Variants in HLF observed in about 807,000 individuals in gnomAD.
HLF encodes HLF transcription factor, PAR bZIP family member.
In HLF, 3 loss-of-function variants were observed where a neutral mutation model predicts 22.6. That is an observed-to-expected ratio of 0.13 (90% CI 0.06 to 0.34). The LOEUF (loss-of-function observed/expected upper bound fraction) is 0.34. HLF is among the 10% of genes least tolerant of loss of function. The probability of loss-of-function intolerance (pLI) is 1.00; values close to 1 mark genes in which losing one functional copy is unlikely to be tolerated. For synonymous variants in HLF, 151 were observed against 151.8 expected (o/e 0.99, Z 0.04); for missense variants, 299 against 389.2 (o/e 0.77, Z 1.95).
intron 2 of HLF, among the ~76,000 whole-genome samples, chr17:55,268,877 A>G (rs2080823811): frequency 6.6e-6 from 1 of 152,158 alleles, no homozygotes; most frequent in Non-Finnish European, 1.5e-5. Flanking sequence ...TTCAAAACCC[A>G]CTGCTAATGC....
intron 1 of HLF, chr17:55,265,838 C>T: frequency 2.4e-6 from 3 of 1,272,098 alleles, no homozygotes; most frequent in Non-Finnish European, 3.0e-6. Context: ...GGCACCCGGC[C>T]TCCCTGGGTC....
At chr17:55,277,989 C>G (rs181556138) in intron 2 of HLF, among the ~76,000 whole-genome samples, 1 of 152,200 alleles carries the variant, frequency 6.6e-6, no homozygotes, top group African/African-American at 2.4e-5. Context: ...TAACTCACTA[C>G]CCATCCAATC....
intron 2 of HLF, among the ~76,000 whole-genome samples, chr17:55,289,817 T>A (rs1243281701): frequency 6.6e-6 from 1 of 152,290 alleles, no homozygotes; most frequent in Non-Finnish European, 1.5e-5. Context: ...TAAGGCCTGA[T>A]TGAGATAATT....
rs1477427197 is a variant in HLF at position 55,324,747 on chromosome 17, T to C, written c.*3868T>C. ...AGCAAAGCCTTATCCGAATCGGATA[T>C]AGCAACTAAAGTCAATACATTTTGC... On this transcript the variant is annotated 3_prime_UTR_variant, in exon 4 of 4. Transcript: ENST00000226067. 7 of 233,178 alleles carry C rather than the reference T, an allele frequency of 3.0e-5. No individual in the cohort carries two copies. The Admixed American group carries it at 3.9e-4, about 13-fold the overall frequency. 14.4% of individuals were successfully genotyped at this position (233,178 alleles called of 1,614,324 possible). A position where few individuals can be genotyped will look rare whatever the true frequency, so the allele number is the denominator to read the frequency against.
chr17:55,277,290 C>T (rs535448408), intron 2 of HLF, among the ~76,000 whole-genome samples: 13 of 83,312 alleles, frequency 1.6e-4, no homozygotes, highest in Non-Finnish European at 2.7e-4. Context: ...CGCATGTGTA[C>T]GTGGGCATGC....
intron 2 of HLF, among the ~76,000 whole-genome samples, chr17:55,296,297 T>A (rs1008097218): frequency 1.3e-5 from 2 of 152,184 alleles, no homozygotes; most frequent in South Asian, 2.1e-4. Flanking sequence ...TTAAAAGAAA[T>A]TTAAACATTT....
Position 55,324,945 on chromosome 17 carries a change from A to G in HLF, c.*4066A>G, listed in dbSNP as rs1905410963. On this transcript the variant is annotated 3_prime_UTR_variant, in exon 4 of 4. Transcript: ENST00000226067. ...AAGATCGCATCTGTTAAACAGGTAC[A>G]AGTTGACATGAGGTTAGTTTAATTG... The G allele has an allele frequency of 1.7e-5, 4 of 231,152 alleles. No homozygotes were observed. In the East Asian group the frequency reaches 1.8e-4, roughly 11 times the overall value. 14.3% of individuals were successfully genotyped at this position (231,152 alleles called of 1,614,324 possible). A position where few individuals can be genotyped will look rare whatever the true frequency, so the allele number is the denominator to read the frequency against.
chr17:55,265,457 TA>T lies in HLF; in HGVS notation c.-26del. Reference sequence around the variant, plus strand: ...GTTGTTTCTTTCTTATTTCTTTTTTTAAGGGGAAAAAATTTGAGTGCATCGC... The same window carrying T: ...GTTGTTTCTTTCTTATTTCTTTTTTTAGGGGAAAAAATTTGAGTGCATCGC... On this transcript the variant is annotated 5_prime_UTR_variant, in exon 1 of 4. Transcript: ENST00000226067. The T allele has an allele frequency of 7.3e-7, 1 of 1,372,572 alleles. No individual in the cohort carries two copies. The highest frequency in any genetic ancestry group is 1.0e-6 in the Non-Finnish European group (1 of 964,426). The allele number at this position is 1,372,572 out of a possible 1,614,324, so 85.0% of individuals were successfully genotyped here.
chr17:55,280,369 A>G (rs904663764), intron 2 of HLF, among the ~76,000 whole-genome samples: 1 of 152,182 alleles, frequency 6.6e-6, no homozygotes, highest in African/African-American at 2.4e-5. Flanking sequence ...TCACCCTAGC[A>G]TGTCACAGTG....
At position 55,321,327 on chromosome 17, in the gene HLF, A is replaced by G. The variant is rs1905255307; in HGVS notation, c.*448A>G. On this transcript the variant is annotated 3_prime_UTR_variant, in exon 4 of 4. Transcript: ENST00000226067. ...GTGGATCTCAGTTTTTAAGAGTACA[A>G]GCTCTTGTTTCTGTTTAGTCCGTAA... The G allele has an allele frequency of 4.1e-6, 1 of 246,330 alleles. No individual in the cohort carries two copies. Among genetic ancestry groups the G allele is most frequent in the Non-Finnish European group, 8.0e-6 (1 of 125,242 alleles). 15.3% of individuals were successfully genotyped at this position (246,330 alleles called of 1,614,324 possible).
chr17:55,302,921 G>T (rs965307590), intron 2 of HLF, among the ~76,000 whole-genome samples: 1 of 152,172 alleles, frequency 6.6e-6, no homozygotes, highest in Non-Finnish European at 1.5e-5. Context: ...TTGCTTAGTG[G>T]CTCAACATCT....
chr17:55,271,978 G>A (rs2080862981), intron 2 of HLF: 1 of 152,164 alleles, frequency 6.6e-6, no homozygotes, highest in Non-Finnish European at 1.5e-5. Flanking sequence ...AAACAATCCA[G>A]GGATTCATTA....
intron 1 of HLF, chr17:55,266,813 C>T (rs907763736): frequency 9.1e-6 from 9 of 984,856 alleles, no homozygotes; most frequent in African/African-American, 8.7e-5. Context: ...TGGCAAGATC[C>T]GGAATGCTTG....
intron 2 of HLF, among the ~76,000 whole-genome samples, chr17:55,304,746 A>G (rs1446684222): frequency 2.0e-5 from 3 of 151,792 alleles, no homozygotes; most frequent in African/African-American, 7.3e-5. Flanking sequence ...GGAAGTGTGG[A>G]CTCTCCACCT....
chr17:55,273,204 A>G (rs930742860), intron 2 of HLF: 5 of 152,146 alleles, frequency 3.3e-5, no homozygotes, highest in African/African-American at 7.2e-5. Context: ...CTTTGTGTCA[A>G]TTTCTTAACC....
chr17:55,271,469 C>A (rs1438668232), intron 2 of HLF: 1 of 152,134 alleles, frequency 6.6e-6, no homozygotes, highest in South Asian at 2.1e-4. Context: ...AGGTCTACCC[C>A]AAGGATGTCT....
In HLF at chr17:55,265,777, C is replaced by T. The variant is rs374389504; in HGVS notation, c.115+178C>T. 40 of 1,306,528 alleles carry T rather than the reference C, an allele frequency of 3.1e-5. No individual in the cohort carries two copies. The East Asian group carries it at 4.3e-4, about 14-fold the overall frequency. The allele number at this position is 1,306,528 out of a possible 1,614,324, so 80.9% of individuals were successfully genotyped here. ...CAGCACCCTTCCTCCCCTTCCTCCT[C>T]CTCCATGAAAGGGGAGGGACCCCTC... On this transcript the variant is annotated intron_variant, in intron 1 of 3. Transcript: ENST00000226067.
At chr17:55,277,237 GTGTA>G (rs777597535) in intron 2 of HLF, among the ~76,000 whole-genome samples, 1,283 of 75,776 alleles carry the variant, frequency 0.017, 17 homozygotes, top group South Asian at 0.11. Context: ...CAGATGTTAT[GTGTA>G]TGTGTGTGTG....
chr17:55,271,490 A>G (rs930411960), intron 2 of HLF: 1 of 152,186 alleles, frequency 6.6e-6, no homozygotes, highest in Non-Finnish European at 1.5e-5. Context: ...TGGAATGACA[A>G]GGTGAGCATT....
Sources: allele counts gnomAD v4.1 joint callset (sites outside exome capture counted in the v4.1 genomes callset), GRCh38; gene constraint gnomAD v4.1.1; transcripts MANE v1.5; gene names NCBI Gene and HGNC (gene_info 2026-07-23, HGNC 2026-07-21).